The following NIN variants were observed in gnomAD, a reference collection of about 807,000 sequenced individuals.
The protein encoded by NIN is glycogen synthase kinase 3 beta-interacting protein.
A neutral mutation model predicts 257.6 loss-of-function variants in NIN; 137 were observed. That is an observed-to-expected ratio of 0.53 (90% CI 0.46 to 0.61). NIN has a LOEUF of 0.61. Among genes scored for constraint, NIN ranks in the 20% least tolerant of loss-of-function variants. NIN has a pLI of 0.00. For missense variants in NIN, 2,439 were observed against 2,501.2 expected, an observed-to-expected ratio of 0.98 and a Z score of 0.53; for synonymous variants, 918 against 919.8, an observed-to-expected ratio of 1.00 and a Z score of 0.04.
chr14:50,727,521 A>G (rs1055860304), intron 29 of NIN: 7 of 1,218,562 alleles, frequency 5.7e-6, no homozygotes, highest in African/African-American at 1.5e-5. Flanking sequence ...TAAATAAATA[A>G]GAGACATAAT....
intron 29 of NIN, 77 bp downstream of exon 29, chr14:50,729,446 A>G (rs944135931): frequency 1.4e-6 from 2 of 1,381,752 alleles, no homozygotes; most frequent in Admixed American, 4.5e-5. Flanking sequence ...CTTTCTCTCC[A>G]CCTTTGAACT....
chr14:50,788,247 G>A lies in NIN; in HGVS notation c.435+4465C>T, dbSNP rs550647897. 2.0e-5 allele frequency among the ~76,000 whole-genome samples: 3 copies of A among 152,288 alleles called. No homozygotes were observed. In the East Asian group the frequency reaches 5.8e-4, roughly 29 times the overall value. ...TTTGCTACCCCCTAGTGCCAACATA[G>A]GCTCTCCCACCCGTGCCACCATATC... On this transcript the variant is annotated intron_variant, in intron 5 of 30. Coordinates refer to ENST00000530997, the MANE Select transcript of NIN (RefSeq NM_020921.4).
In NIN at chr14:50,754,411, G is replaced by C. The variant is rs571763375; in HGVS notation, c.4734+152C>G. ...CAGGAAGCTAGTTTAGAGTCAGTATGAGGTAAGTTTCCATTTTCAAATTCA... is the reference window on the plus strand; with the variant it reads ...CAGGAAGCTAGTTTAGAGTCAGTATCAGGTAAGTTTCCATTTTCAAATTCA... On this transcript the variant is annotated intron_variant, in intron 20 of 30. Coordinates refer to ENST00000530997, the MANE Select transcript of NIN (RefSeq NM_020921.4). The C allele has an allele frequency of 3.8e-5, 24 of 638,016 alleles. No homozygotes were observed. In the East Asian group the frequency reaches 6.5e-4, roughly 17 times the overall value. 39.5% of individuals were successfully genotyped at this position (638,016 alleles called of 1,614,324 possible). A position where few individuals can be genotyped will look rare whatever the true frequency, so the allele number is the denominator to read the frequency against.
chr14:50,767,034 AG>A lies in NIN; in HGVS notation c.1435-145del. 4.9e-6 allele frequency: 3 copies of A among 611,222 alleles called. No individual in the cohort carries two copies. In the South Asian group the frequency reaches 6.3e-5, roughly 13 times the overall value. 37.9% of individuals were successfully genotyped at this position (611,222 alleles called of 1,614,324 possible). On this transcript the variant is annotated intron_variant, in intron 12 of 30. Coordinates refer to ENST00000530997, the MANE Select transcript of NIN (RefSeq NM_020921.4). ...GCTGTAGTAGACTACAGGAGGCAAA[AG>A]TAAATATAAAAGGTTGATATCTATT...
At chr14:50,806,534 T>C (rs2044334626) in intron 4 of NIN, 1 of 474,218 alleles carries the variant, frequency 2.1e-6, no homozygotes, top group South Asian at 4.1e-5. Context: ...AATACTATGC[T>C]GCTGTAGTAG....
rs1292268079 is a variant in NIN at position 50,720,089 on chromosome 14, CA to C, written c.*3373del. The C allele has an allele frequency of 4.5e-6, 1 of 220,926 alleles. No individual in the cohort carries two copies. Among genetic ancestry groups the C allele is most frequent in the East Asian group, 6.6e-5 (1 of 15,136 alleles). 13.7% of individuals were successfully genotyped at this position (220,926 alleles called of 1,614,324 possible). On this transcript the variant is annotated 3_prime_UTR_variant, in exon 31 of 31. Coordinates refer to ENST00000530997, the MANE Select transcript of NIN (RefSeq NM_020921.4). ...AAAAAGCTAACTTTGATTTGTTAAA[CA>C]GCTATTCATATGCCACAAAACCAAA...
intron 30 of NIN, chr14:50,724,119 A>G (rs970737022): frequency 5.8e-5 from 11 of 190,640 alleles, no homozygotes; most frequent in Non-Finnish European, 1.2e-4. Context: ...TAGCTCATGT[A>G]TTATAACAGA....
At chr14:50,821,836 C>A in intron 3 of NIN, 38 bp downstream of exon 3, 1 of 1,567,502 alleles carries the variant, frequency 6.4e-7, no homozygotes, top group Non-Finnish European at 8.7e-7. Flanking sequence ...AGAAACCGCA[C>A]CCCACTTCCC....
At chr14:50,817,044 G>A (rs989533255) in intron 3 of NIN, among the ~76,000 whole-genome samples, 2 of 152,142 alleles carry the variant, frequency 1.3e-5, no homozygotes, top group African/African-American at 2.4e-5. Context: ...AGACCCTCAG[G>A]AGTTCAGACT....
Position 50,770,546 on chromosome 14 carries a change from A to G in NIN, c.1276T>C (p.Tyr426His). 6.2e-7 allele frequency: 1 copy of G among 1,613,780 alleles called. No individual in the cohort carries two copies. Among genetic ancestry groups the G allele is most frequent in the African/African-American group, 1.3e-5 (1 of 74,924 alleles). Residue 426 changes from tyrosine (Y) to histidine (H), a missense_variant, in exon 12 of 31, where the codon TAC becomes CAC. Transcript: ENST00000530997. ...TTTAAGGCTGCTATTCGCTCCTTGT[A>G]CTCTTCATCCAGTTTCCTGTAACGA... ...EYNLRKLDEE[Y>H]KERIAALKNE... is the part of the protein sequence containing the mutation.
intron 28 of NIN, among the ~76,000 whole-genome samples, chr14:50,735,156 T>C (rs1226807801): frequency 6.6e-6 from 1 of 152,222 alleles, no homozygotes; most frequent in Non-Finnish European, 1.5e-5. Flanking sequence ...CAATCATGTC[T>C]ATAAAATGCT....
intron 2 of NIN, among the ~76,000 whole-genome samples, 168 bp downstream of exon 2, chr14:50,830,296 G>A (rs2045644294): frequency 6.6e-6 from 1 of 152,234 alleles, no homozygotes; most frequent in Admixed American, 6.5e-5. Flanking sequence ...CAGCGGTGCT[G>A]CCGCGCGGGG....
intron 24 of NIN, among the ~76,000 whole-genome samples, chr14:50,742,625 A>G (rs1595740988): frequency 6.6e-6 from 1 of 151,754 alleles, no homozygotes. Flanking sequence ...TGATCTCTTG[A>G]CCTCGTGATC....
Position 50,766,810 on chromosome 14 carries a change from C to T in NIN, c.1515G>A (p.Gln505=), listed in dbSNP as rs1468631773. The part of the protein sequence containing the change: ...AEYENLTNKL[Q]RNLENVLAEK... ...CTGCTAACACATTTTCCAAATTTCT[C>T]TGAAGTTTGTTTGTCAGATTCTCAT... The change falls in exon 13 of 31, where the codon CAG becomes CAA. Residue 505 remains glutamine (Q), a synonymous_variant. Transcript: ENST00000530997. The T allele has an allele frequency of 5.0e-6, 8 of 1,613,654 alleles. No individual in the cohort carries two copies. The highest frequency in any genetic ancestry group is 5.9e-6 in the Non-Finnish European group (7 of 1,179,756).
intron 2 of NIN, among the ~76,000 whole-genome samples, chr14:50,824,258 C>G (rs2045361959): frequency 6.6e-6 from 1 of 152,170 alleles, no homozygotes; most frequent in Admixed American, 6.5e-5. Context: ...TACTGAGAAG[C>G]CCTGATCTTA....
Position 50,723,635 on chromosome 14 carries a change from T to TC in NIN, c.6229dup (p.Asp2077GlyfsTer5). 6.2e-7 allele frequency: 1 copy of TC among 1,613,872 alleles called. No homozygotes were observed. Among genetic ancestry groups the TC allele is most frequent in the South Asian group, 1.1e-5 (1 of 91,072 alleles). On this transcript the variant is annotated frameshift_variant, in exon 31 of 31. Transcript: ENST00000530997. LOFTEE classifies it high-confidence loss of function. ...CAACTGGGCATTTTCAACATACAAG[T>TC]CCTTCACCATTGCGTCTGCCTTAGT...
chr14:50,734,499 T>C (rs529204515), intron 28 of NIN, among the ~76,000 whole-genome samples: 2 of 152,350 alleles, frequency 1.3e-5, no homozygotes, highest in African/African-American at 4.8e-5. Flanking sequence ...ATAAGTCTTA[T>C]AGTTCACTAA....
At chr14:50,760,436 G>C in intron 16 of NIN, 77 bp from the exon 17 acceptor site, 1 of 544,220 alleles carries the variant, frequency 1.8e-6, no homozygotes, top group South Asian at 3.0e-5. Flanking sequence ...AGCAGCAATT[G>C]CTTTTTTTTT....
At chr14:50,727,278 A>G in intron 29 of NIN, 1 of 977,666 alleles carries the variant, frequency 1.0e-6, no homozygotes, top group Middle Eastern at 5.0e-4. Context: ...TTTCCTGTCA[A>G]AAAGATTTGT....
Sources: allele counts gnomAD v4.1 joint callset (sites outside exome capture counted in the v4.1 genomes callset), GRCh38; gene constraint gnomAD v4.1.1; transcripts MANE v1.5; gene names NCBI Gene and HGNC (gene_info 2026-07-23, HGNC 2026-07-21).